SCAP: variants seen among roughly 807,000 people sequenced by gnomAD.
SCAP encodes sterol regulatory element-binding protein cleavage-activating protein.
A neutral mutation model predicts 123.6 loss-of-function variants in SCAP; 65 were observed. That is an observed-to-expected ratio of 0.53 (90% CI 0.43 to 0.65). The LOEUF is 0.65. Among genes scored for constraint, SCAP ranks in the 30% least tolerant of loss-of-function variants. The probability of loss-of-function intolerance (pLI) is 0.00; values close to 1 mark genes in which losing one functional copy is unlikely to be tolerated. For synonymous variants in SCAP, 740 were observed against 726.3 expected (o/e 1.02, Z -0.30); for missense variants, 1,398 against 1,712.5 (o/e 0.82, Z 3.24).
At chr3:47,424,509 G>A (rs1706037464) in intron 8 of SCAP, among the ~76,000 whole-genome samples, 1 of 152,230 alleles carries the variant, frequency 6.6e-6, no homozygotes, top group African/African-American at 2.4e-5. Context: ...GCTGTGTGTG[G>A]AGAAGAACGA....
At chr3:47,417,967 AGAGGGGGGTACGGGGTGGTGG>A (rs1187169355) in intron 16 of SCAP, 141 bp from the exon 17 acceptor site, 4 of 285,038 alleles carry the variant, frequency 1.4e-5, no homozygotes, top group Non-Finnish European at 2.7e-5. Flanking sequence ...CGGGGTGGGG[AGAGGGGGGTACGGGGTGGTGG>A]GAGGGGGTGC....
At chr3:47,416,166 C>T (rs1015677088) in intron 18 of SCAP, among the ~76,000 whole-genome samples, 5 of 152,212 alleles carry the variant, frequency 3.3e-5, no homozygotes, top group Admixed American at 1.3e-4. Context: ...GTCAAGGAGC[C>T]TTGGAGGAGG....
rs1706517589 is a variant in SCAP, at chr3:47,435,125, C to T, written c.135G>A (p.Leu45=). Reference sequence around the variant, plus strand: ...GTCCTGTTCCTGGCAAGGGGAGTTTCAGCAGTGGGTAGCTGGGATGTACAA... The same window carrying T: ...GTCCTGTTCCTGGCAAGGGGAGTTTTAGCAGTGGGTAGCTGGGATGTACAA... ...FCILACCYPL[L]KLPLPGTGPV... Residue 45 remains leucine, a synonymous_variant, in exon 3 of 23, where the codon CTG becomes CTA. Transcript: ENST00000265565. 1.2e-6 allele frequency: 2 copies of T among 1,613,638 alleles called. No individual in the cohort carries two copies. The highest frequency in any genetic ancestry group is 8.5e-7 in the Non-Finnish European group (1 of 1,179,822).
intron 2 of SCAP, among the ~76,000 whole-genome samples, chr3:47,440,628 TGG>T (rs1213602892): frequency 6.6e-6 from 1 of 152,176 alleles, no homozygotes; most frequent in Non-Finnish European, 1.5e-5. Context: ...CCCGACACTT[TGG>T]GAAGCCAAGG....
chr3:47,434,118 C>A (rs1706474099), intron 3 of SCAP, among the ~76,000 whole-genome samples: 1 of 152,186 alleles, frequency 6.6e-6, no homozygotes, highest in Non-Finnish European at 1.5e-5. Context: ...GCCAGATATG[C>A]CTCTATTTCA....
intron 9 of SCAP, among the ~76,000 whole-genome samples, chr3:47,423,212 C>T (rs1382467887): frequency 6.6e-6 from 1 of 152,222 alleles, no homozygotes; most frequent in East Asian, 1.9e-4. Flanking sequence ...AGTGACCAGG[C>T]CTCCAAGGCC....
intron 1 of SCAP, among the ~76,000 whole-genome samples, chr3:47,444,050 A>G (rs1333958471): frequency 6.6e-6 from 1 of 152,112 alleles, no homozygotes; most frequent in Non-Finnish European, 1.5e-5. Flanking sequence ...AAGCTATTCT[A>G]TACCCTTCTA....
At chr3:47,431,148 C>T (rs1706338703) in intron 3 of SCAP, among the ~76,000 whole-genome samples, 1 of 106,514 alleles carries the variant, frequency 9.4e-6, no homozygotes, top group South Asian at 3.3e-4. Flanking sequence ...AGCTGGCTGC[C>T]ACAGGCTATG....
intron 1 of SCAP, among the ~76,000 whole-genome samples, chr3:47,464,692 T>C (rs1707762405): frequency 6.6e-6 from 1 of 152,162 alleles, no homozygotes; most frequent in Admixed American, 6.6e-5. Flanking sequence ...TCCCCTAAAA[T>C]CAGGAACAAG....
chr3:47,434,168 CG>C (rs1489204921), intron 3 of SCAP, among the ~76,000 whole-genome samples: 1 of 152,140 alleles, frequency 6.6e-6, no homozygotes, highest in Non-Finnish European at 1.5e-5. Context: ...CTGACTACTA[CG>C]TTAACCAAAA....
intron 1 of SCAP, among the ~76,000 whole-genome samples, chr3:47,466,916 T>C (rs1707848607): frequency 6.6e-6 from 1 of 151,644 alleles, no homozygotes; most frequent in African/African-American, 2.4e-5. Flanking sequence ...AGACCCCATA[T>C]CTTAAAAAAA....
At chr3:47,453,978 T>G (rs749003277) in intron 1 of SCAP, among the ~76,000 whole-genome samples, 12 of 152,226 alleles carry the variant, frequency 7.9e-5, no homozygotes, top group Non-Finnish European at 1.0e-4. Flanking sequence ...ATGTAAGTAC[T>G]AATGTTAAAA....
At chr3:47,462,849 G>T (rs901426885) in intron 1 of SCAP, among the ~76,000 whole-genome samples, 3 of 151,704 alleles carry the variant, frequency 2.0e-5, no homozygotes, top group Admixed American at 6.6e-5. Context: ...GTCCTAGAAG[G>T]TTGTGCTTCT....
At chr3:47,435,872 G>A (rs1325457681) in intron 2 of SCAP, among the ~76,000 whole-genome samples, 18 of 152,028 alleles carry the variant, frequency 1.2e-4, no homozygotes, top group African/African-American at 3.1e-4. Flanking sequence ...AACATAGTGA[G>A]ACCTCATCTC....
chr3:47,473,080 CAAAAA>C (rs34472664), intron 1 of SCAP, among the ~76,000 whole-genome samples: 44 of 38,060 alleles, frequency 1.2e-3, no homozygotes, highest in Non-Finnish European at 1.5e-3. Flanking sequence ...AACTCCATCT[CAAAAA>C]AAAAAAAAAA....
intron 8 of SCAP, 199 bp downstream of exon 8, chr3:47,425,286 T>C: frequency 6.6e-6 from 4 of 602,500 alleles, no homozygotes. Flanking sequence ...TCACTATAGC[T>C]AGATATGCTA....
intron 8 of SCAP, among the ~76,000 whole-genome samples, chr3:47,424,905 G>A (rs750537215): frequency 2.0e-5 from 3 of 152,288 alleles, no homozygotes; most frequent in Non-Finnish European, 4.4e-5. Context: ...AGGACAAGCC[G>A]AGGGAAGGGC....
Position 47,413,768 on chromosome 3 carries a change from C to G in SCAP, c.*86G>C. The G allele has an allele frequency of 6.6e-7, 1 of 1,516,282 alleles. No individual in the cohort carries two copies. The highest frequency in any genetic ancestry group is 8.9e-7 in the Non-Finnish European group (1 of 1,125,182). 93.9% of individuals were successfully genotyped at this position (1,516,282 alleles called of 1,614,324 possible). On this transcript the variant is annotated 3_prime_UTR_variant, in exon 23 of 23. Coordinates refer to ENST00000265565, the MANE Select transcript of SCAP (RefSeq NM_012235.4). ...GTCAGGAGGCAGCGGCTGGAAGATACTCGGCTCTTTCCCCCAAGTCCAGGT... is the reference window on the plus strand; with the variant it reads ...GTCAGGAGGCAGCGGCTGGAAGATAGTCGGCTCTTTCCCCCAAGTCCAGGT...
chr3:47,425,974 C>T (rs1706109621), intron 7 of SCAP, 23 bp downstream of exon 7: 1 of 1,613,540 alleles, frequency 6.2e-7, no homozygotes, highest in African/African-American at 1.3e-5. Flanking sequence ...AGAAAGCCCT[C>T]AGCCTCCCTG....
Sources: gnomAD v4.1 joint callset for allele counts (sites outside exome capture counted in the v4.1 genomes callset) on GRCh38, gnomAD v4.1.1 for gene constraint, MANE v1.5 for transcripts, NCBI Gene and HGNC (gene_info 2026-07-23, HGNC 2026-07-21) for gene names.